The following ABCC12 variants were observed in gnomAD, a reference collection of about 807,000 sequenced individuals.
ABCC12 encodes the protein ATP-binding cassette sub-family C member 12.
In ABCC12, 142 loss-of-function variants were observed where a neutral mutation model predicts 151.1. That is an observed-to-expected ratio of 0.94 (90% CI 0.82 to 1.08). The LOEUF is 1.08. Ranked by LOEUF, ABCC12 falls within the 50% of genes least tolerant of loss-of-function variation. The pLI is 0.00. For missense variants in ABCC12, 1,638 were observed against 1,691.1 expected (o/e 0.97, Z 0.55); for synonymous variants, 645 against 646.4 (o/e 1.00, Z 0.03).
intron 28 of ABCC12, 76 bp downstream of exon 28, chr16:48,086,665 A>C (rs1273138713): frequency 7.3e-7 from 1 of 1,361,784 alleles, no homozygotes; most frequent in Admixed American, 1.7e-5. Context: ...GTGCTTGTCA[A>C]ATTTAAACAT....
intron 23 of ABCC12, among the ~76,000 whole-genome samples, chr16:48,097,332 G>A (rs1963136711): frequency 6.6e-6 from 1 of 152,128 alleles, no homozygotes; most frequent in Non-Finnish European, 1.5e-5. Context: ...AGAAAGGGTG[G>A]GGGTGGGTTG....
chr16:48,087,803 G>A (rs1962684652), intron 27 of ABCC12, 123 bp downstream of exon 27: 7 of 1,077,576 alleles, frequency 6.5e-6, no homozygotes, highest in Non-Finnish European at 9.3e-6. Flanking sequence ...GCCCCCCTGG[G>A]ATACTGCTTC....
At chr16:48,117,186 T>C in intron 14 of ABCC12, 75 bp downstream of exon 14, 2 of 1,416,666 alleles carry the variant, frequency 1.4e-6, no homozygotes, top group Non-Finnish European at 1.9e-6. Flanking sequence ...AGGGGCTTGC[T>C]GGCCTCAGCC....
chr16:48,106,335 C>A (rs1409733928), intron 20 of ABCC12, among the ~76,000 whole-genome samples: 1 of 152,136 alleles, frequency 6.6e-6, no homozygotes, highest in Admixed American at 6.5e-5. Flanking sequence ...AGGGCAGGGG[C>A]AAACACATAG....
intron 4 of ABCC12, 98 bp from the exon 5 acceptor site, chr16:48,141,451 G>GC (rs1243674744): frequency 1.3e-6 from 2 of 1,491,538 alleles, no homozygotes; most frequent in South Asian, 1.3e-5. Flanking sequence ...GCTCGGCAGA[G>GC]CCCCCCTCCC....
At chr16:48,150,259 A>G (rs142557715) in intron 2 of ABCC12, among the ~76,000 whole-genome samples, 4 of 152,348 alleles carry the variant, frequency 2.6e-5, no homozygotes, top group African/African-American at 9.6e-5. Context: ...GAAACAATCC[A>G]CAGAGGATGG....
At chr16:48,116,209 G>T (rs536627394) in intron 14 of ABCC12, among the ~76,000 whole-genome samples, 1 of 152,170 alleles carries the variant, frequency 6.6e-6, no homozygotes, top group Non-Finnish European at 1.5e-5. Flanking sequence ...CTTGCTGTAG[G>T]TGATTCTATC....
intron 16 of ABCC12, 27 bp from the exon 17 acceptor site, chr16:48,111,689 A>C: frequency 4.3e-6 from 7 of 1,614,026 alleles, no homozygotes; most frequent in Non-Finnish European, 5.9e-6. Flanking sequence ...ATTCCTTCTG[A>C]ATGCTAAGTG....
In ABCC12 at chr16:48,135,196, G is replaced by A. The variant is rs548327451; in HGVS notation, c.980-1361C>T. Among the ~76,000 whole-genome samples the A allele has an allele frequency of 3.9e-5, 6 of 152,196 alleles. No homozygotes were observed. In the East Asian group the frequency reaches 1.2e-3, roughly 29 times the overall value. ...CCCTTGCTTGCAAGCCACTGGGGAG[G>A]CCAGGTCTTAAGCATGAGCCGCCTG... On this transcript the variant is annotated intron_variant, in intron 8 of 30. Transcript: ENST00000311303.
intron 15 of ABCC12, among the ~76,000 whole-genome samples, chr16:48,112,201 C>G (rs1963721258): frequency 6.6e-6 from 1 of 152,184 alleles, no homozygotes; most frequent in Non-Finnish European, 1.5e-5. Context: ...CTAGTACCCA[C>G]AGGTCTCATG....
intron 23 of ABCC12, among the ~76,000 whole-genome samples, chr16:48,100,240 G>A (rs901104443): frequency 2.6e-5 from 4 of 152,302 alleles, no homozygotes; most frequent in South Asian, 2.1e-4. Flanking sequence ...AATTACAGGC[G>A]TGAGCCACCG....
chr16:48,136,671 A>T (rs1964621630), intron 8 of ABCC12, among the ~76,000 whole-genome samples: 1 of 152,202 alleles, frequency 6.6e-6, no homozygotes, highest in Non-Finnish European at 1.5e-5. Flanking sequence ...GGGCATGGAC[A>T]TGCTTGGAAC....
chr16:48,120,688 T>C (rs1352884661), intron 13 of ABCC12, among the ~76,000 whole-genome samples: 5 of 151,918 alleles, frequency 3.3e-5, no homozygotes, highest in African/African-American at 1.2e-4. Flanking sequence ...CCTGAGTAGC[T>C]GGGATTACAG....
At chr16:48,117,391 T>G (rs1016468596) in intron 13 of ABCC12, 58 bp from the exon 14 acceptor site, 5 of 1,577,802 alleles carry the variant, frequency 3.2e-6, no homozygotes, top group Non-Finnish European at 4.3e-6. Context: ...ACTGCTGCCC[T>G]GGGCTGCTTC....
chr16:48,142,111 C>T (rs201431570), intron 4 of ABCC12, among the ~76,000 whole-genome samples: 4 of 152,246 alleles, frequency 2.6e-5, no homozygotes, highest in African/African-American at 9.6e-5. Context: ...CCCCAGTTTT[C>T]GGGCTTGGCC....
chr16:48,099,964 T>TC (rs1360305506), intron 23 of ABCC12, among the ~76,000 whole-genome samples: 1 of 147,466 alleles, frequency 6.8e-6, no homozygotes, highest in African/African-American at 2.5e-5. Flanking sequence ...TCCTTTTTCT[T>TC]TTTTTTTTTT....
In ABCC12 at chr16:48,111,668, GACAA is replaced by G; in HGVS notation, c.2125-10_2125-7del. 6.2e-7 allele frequency: 1 copy of G among 1,614,120 alleles called. No individual in the cohort carries two copies. The highest frequency in any genetic ancestry group is 8.5e-7 in the Non-Finnish European group (1 of 1,180,016). ...TTGTAAAGGTGTTCAGGATCCTGGA[GACAA>G]AATGAAATTCCTTCTGAATGCTAAG... On this transcript the variant is annotated splice_region_variant and splice_polypyrimidine_tract_variant and intron_variant, in intron 16 of 30. Transcript: ENST00000311303.
chr16:48,133,740 C>A lies in ABCC12; in HGVS notation c.1075G>T (p.Val359Leu). ...AGGATGTGGCAGGATAATGTCAGCA[C>A]GATGGCTATGGTGGACACGATGGGG... is the stretch of plus-strand genomic sequence containing the variant. ...LAPIVSTIAIVLTLSCHILLR... is the reference protein window; with the variant it reads ...LAPIVSTIAILLTLSCHILLR... The change falls in exon 9 of 31, where the codon GTG becomes TTG. Residue 359 changes from valine (V) to leucine (L), a missense_variant. Coordinates refer to ENST00000311303, the MANE Select transcript of ABCC12 (RefSeq NM_001393797.1). 1 of 1,614,102 alleles carries A rather than the reference C, an allele frequency of 6.2e-7. No individual in the cohort carries two copies.
At chr16:48,124,659 G>A (rs1240072410) in intron 11 of ABCC12, among the ~76,000 whole-genome samples, 1 of 152,238 alleles carries the variant, frequency 6.6e-6, no homozygotes, top group Non-Finnish European at 1.5e-5. Context: ...GCAAAAGGCT[G>A]TACAACCCAG....
Sources: gnomAD v4.1 joint callset for allele counts (sites outside exome capture counted in the v4.1 genomes callset) on GRCh38, gnomAD v4.1.1 for gene constraint, MANE v1.5 for transcripts, NCBI Gene and HGNC (gene_info 2026-07-23, HGNC 2026-07-21) for gene names.